NINL: variants seen among roughly 807,000 people sequenced by gnomAD.
The protein encoded by NINL is ninein-like protein.
In NINL, 153 loss-of-function variants were observed where a neutral mutation model predicts 160.3. The ratio of observed to expected loss-of-function variants is 0.95; its 90% confidence interval spans 0.84 to 1.09. The LOEUF (loss-of-function observed/expected upper bound fraction) is 1.09. Among genes scored for constraint, NINL ranks in the 50% least tolerant of loss-of-function variants. NINL has a pLI of 0.00. For missense variants in NINL, 1,829 were observed against 1,764.0 expected, an observed-to-expected ratio of 1.04 and a Z score of -0.66; for synonymous variants, 800 against 734.8, an observed-to-expected ratio of 1.09 and a Z score of -1.43.
chr20:25,560,483 T>C (rs2064921269), intron 1 of NINL, among the ~76,000 whole-genome samples: 1 of 152,178 alleles, frequency 6.6e-6, no homozygotes, highest in Non-Finnish European at 1.5e-5. Context: ...CCCTAATATA[T>C]CTGTGCCACG....
At chr20:25,562,567 G>A (rs370217844) in intron 1 of NINL, among the ~76,000 whole-genome samples, 1 of 133,548 alleles carries the variant, frequency 7.5e-6, no homozygotes, top group East Asian at 2.1e-4. Context: ...GGTGCTAGAT[G>A]TGCTTTGTTA....
intron 13 of NINL, among the ~76,000 whole-genome samples, chr20:25,488,056 G>A (rs2063539115): frequency 6.6e-6 from 1 of 152,190 alleles, no homozygotes; most frequent in Non-Finnish European, 1.5e-5. Context: ...AAGGAGGGTG[G>A]TGGTCCAACC....
chr20:25,514,827 G>A (rs1196909755), intron 3 of NINL, among the ~76,000 whole-genome samples: 4 of 152,226 alleles, frequency 2.6e-5, no homozygotes, highest in African/African-American at 9.6e-5. Flanking sequence ...CATAAGCCTT[G>A]GTGACTACCA....
At chr20:25,585,164 G>C (rs924670464) in intron 1 of NINL, among the ~76,000 whole-genome samples, 8 of 152,186 alleles carry the variant, frequency 5.3e-5, no homozygotes, top group Non-Finnish European at 1.2e-4. Context: ...CCGGGCCCTC[G>C]TTCGCACGGC....
chr20:25,486,676 T>G (rs1270395276), intron 13 of NINL, among the ~76,000 whole-genome samples: 2 of 152,056 alleles, frequency 1.3e-5, no homozygotes, highest in East Asian at 1.9e-4. Context: ...GGTGCCCAGA[T>G]GGAGGCAAAC....
chr20:25,475,631 TGAG>T (rs199910325), intron 17 of NINL, among the ~76,000 whole-genome samples: 7,784 of 152,220 alleles, frequency 0.051, 206 homozygotes, highest in Middle Eastern at 0.11. Context: ...CAGCACTTTG[TGAG>T]GCCAAGGCGG....
rs769253027 is a variant in NINL at position 25,461,522 on chromosome 20, C to A, written c.3696G>T (p.Gln1232His). ...LTQTLEESQD[Q>H]VQGAHLRLRQ... ...GCCTCCAGCCATCGCTCACACCCAC[C>A]TGGTCTTGACTTTCCTCAAGGGTCT... Residue 1232 changes from glutamine (Q) to histidine (H), a missense_variant and splice_region_variant, in exon 21 of 24, where the codon CAG becomes CAT. Physicochemically the swap from Gln to His is conservative, Grantham distance 24 (BLOSUM62 0). Coordinates refer to ENST00000278886, the MANE Select transcript of NINL (RefSeq NM_025176.6). 4.3e-5 allele frequency: 67 copies of A among 1,551,822 alleles called. No individual in the cohort carries two copies. Among genetic ancestry groups the A allele is most frequent in the Non-Finnish European group, 5.6e-5 (64 of 1,152,012 alleles).
intron 16 of NINL, among the ~76,000 whole-genome samples, chr20:25,477,798 G>C (rs2063295767): frequency 6.6e-6 from 1 of 152,176 alleles, no homozygotes; most frequent in Non-Finnish European, 1.5e-5. Flanking sequence ...AGAGGAGAGG[G>C]GCTGCTTGTG....
intron 3 of NINL, 75 bp from the exon 4 acceptor site, chr20:25,513,081 C>CT: frequency 2.7e-6 from 4 of 1,466,636 alleles, no homozygotes; most frequent in Non-Finnish European, 3.7e-6. Flanking sequence ...CAGGTACCCT[C>CT]TGAGAAGGTG....
intron 1 of NINL, among the ~76,000 whole-genome samples, chr20:25,572,462 G>A (rs2065065290): frequency 6.6e-6 from 1 of 152,082 alleles, no homozygotes; most frequent in South Asian, 2.1e-4. Context: ...TTTCTTGAGT[G>A]CTCATCATGT....
chr20:25,523,737 G>A (rs891575003), intron 2 of NINL, among the ~76,000 whole-genome samples: 2 of 152,062 alleles, frequency 1.3e-5, no homozygotes, highest in Non-Finnish European at 2.9e-5. Flanking sequence ...CCACCTCCCG[G>A]GTTCAAGTGA....
At chr20:25,559,921 C>T (rs1609701) in intron 1 of NINL, among the ~76,000 whole-genome samples, 147,886 of 152,278 alleles carry the variant, frequency 0.97, 71,951 homozygotes, top group Non-Finnish European at 1. Flanking sequence ...ATGATGCCTA[C>T]GGTTTACATT....
chr20:25,539,813 A>G (rs1406087703), intron 1 of NINL, among the ~76,000 whole-genome samples: 1 of 152,238 alleles, frequency 6.6e-6, no homozygotes, highest in Admixed American at 6.5e-5. Context: ...GTGAGGGCAG[A>G]GGCAAGGACA....
In NINL at chr20:25,491,334, C is replaced by G. The variant is rs375132487; in HGVS notation, c.1485+17G>C. ...GGCACCCCCCCAGCTTCCTGGATGC[C>G]CTGGGGATGCCCCTACCTTCAGGGC... On this transcript the variant is annotated intron_variant, in intron 11 of 23. Transcript: ENST00000278886. The G allele has an allele frequency of 2.9e-5, 47 of 1,593,744 alleles. No individual in the cohort carries two copies. Among genetic ancestry groups the G allele is most frequent in the Non-Finnish European group, 4.0e-5 (47 of 1,170,752 alleles).
chr20:25,530,692 C>A (rs1242787568), intron 1 of NINL, among the ~76,000 whole-genome samples: 11 of 152,010 alleles, frequency 7.2e-5, no homozygotes, highest in Admixed American at 1.3e-4. Context: ...TGATGCCCCC[C>A]AAGCTGCAAA....
chr20:25,494,207 CA>C (rs2063701575), intron 10 of NINL, among the ~76,000 whole-genome samples: 1 of 149,192 alleles, frequency 6.7e-6, no homozygotes, highest in Non-Finnish European at 1.5e-5. Context: ...CCCCACTCAG[CA>C]CCCCCAATGC....
chr20:25,480,331 T>A, intron 14 of NINL, 64 bp from the exon 15 acceptor site: 3 of 1,278,750 alleles, frequency 2.3e-6, no homozygotes, highest in South Asian at 2.4e-5. Flanking sequence ...CTTCCAAACC[T>A]TCCAATCTGA....
At chr20:25,456,314 G>A (rs1164058644) in intron 22 of NINL, among the ~76,000 whole-genome samples, 1 of 147,064 alleles carries the variant, frequency 6.8e-6, no homozygotes, top group Non-Finnish European at 1.5e-5. Flanking sequence ...TTGGGAGTCT[G>A]AGGCGGGCGG....
Position 25,476,894 on chromosome 20 carries a change from G to A in NINL, c.2397C>T (p.Cys799=), listed in dbSNP as rs1195547537. ...CCTCCTCCTCGAGGGCCAACGATAC[G>A]CACATCTGGGCGCGCTTCTCGCTCG... ...PCASEKRAQM[C]VSLALEEEEL... Residue 799 remains cysteine, a synonymous_variant, in exon 17 of 24, where the codon TGC becomes TGT. Coordinates refer to ENST00000278886, the MANE Select transcript of NINL (RefSeq NM_025176.6). 1 of 1,613,134 alleles carries A rather than the reference G, an allele frequency of 6.2e-7. No homozygotes were observed. The highest frequency in any genetic ancestry group is 8.5e-7 in the Non-Finnish European group (1 of 1,179,874).
Sources: gnomAD v4.1 joint callset for allele counts (sites outside exome capture counted in the v4.1 genomes callset) on GRCh38, gnomAD v4.1.1 for gene constraint, MANE v1.5 for transcripts, NCBI Gene and HGNC (gene_info 2026-07-23, HGNC 2026-07-21) for gene names.